The following HELB variants were observed in gnomAD, a reference collection of about 807,000 sequenced individuals.
The protein encoded by HELB is DNA helicase B.
HELB carries 96 observed loss-of-function variants against 101.7 expected under a neutral mutation model. The observed-to-expected ratio is 0.94, with a 90% CI of 0.80 to 1.12. The LOEUF (loss-of-function observed/expected upper bound fraction) is 1.12. Ranked by LOEUF, HELB falls within the 50% of genes most tolerant of loss-of-function variation. The pLI is 0.00. For synonymous variants in HELB, 437 were observed against 459.7 expected (o/e 0.95, Z 0.63); for missense variants, 1,210 against 1,291.9 (o/e 0.94, Z 0.97).
chr12:66,319,472 T>C (rs1307236258), intron 7 of HELB, among the ~76,000 whole-genome samples: 1 of 152,222 alleles, frequency 6.6e-6, no homozygotes, highest in Non-Finnish European at 1.5e-5. Context: ...TGAGACACTC[T>C]ATAAATGTCA....
At chr12:66,321,605 G>A (rs2053671379) in intron 7 of HELB, 2 of 229,840 alleles carry the variant, frequency 8.7e-6, no homozygotes, top group South Asian at 1.1e-4. Flanking sequence ...TTTTACATTA[G>A]TCATGCTGTT....
At chr12:66,305,235 A>G (rs1454877819) in intron 2 of HELB, 85 bp downstream of exon 2, 8 of 849,018 alleles carry the variant, frequency 9.4e-6, no homozygotes, top group South Asian at 7.2e-5. Context: ...CTAGCATAGT[A>G]TTCTTTTTAA....
At chr12:66,314,763 G>T (rs1167168319) in intron 5 of HELB, among the ~76,000 whole-genome samples, 1 of 151,972 alleles carries the variant, frequency 6.6e-6, no homozygotes, top group Non-Finnish European at 1.5e-5. Context: ...GCTTCCCCCA[G>T]TACATGTTTT....
rs191059859 is a variant in HELB at position 66,319,148 on chromosome 12, A to G, written c.2155+356A>G. ...TCCTTGCTATTTGAAAAGCAGATAC[A>G]TTTATTTTGAATACAAATACTCAAT... On this transcript the variant is annotated intron_variant, in intron 7 of 12. Transcript: ENST00000247815. Among the ~76,000 whole-genome samples, 3 of 152,332 alleles carry G rather than the reference A, an allele frequency of 2.0e-5. No homozygotes were observed. The East Asian group carries it at 5.8e-4, about 29-fold the overall frequency.
chr12:66,340,947 TCAA>T (rs766665173), downstream of HELB: 1 of 152,874 alleles, frequency 6.5e-6, no homozygotes, highest in Non-Finnish European at 1.5e-5. Flanking sequence ...ACACCCAGGA[TCAA>T]CACTTTGCAT....
chr12:66,336,816 G>C (rs977524234), intron 12 of HELB, among the ~76,000 whole-genome samples: 2 of 152,126 alleles, frequency 1.3e-5, no homozygotes, highest in Admixed American at 1.3e-4. Context: ...AGAGGTCGTA[G>C]ATTCTTCTGA....
At chr12:66,306,294 A>G in intron 2 of HELB, 51 bp from the exon 3 acceptor site, 2 of 1,354,482 alleles carry the variant, frequency 1.5e-6, no homozygotes. Context: ...CAAATCAGTC[A>G]TTCTTTGGGT....
In HELB at chr12:66,321,977, C is replaced by T; in HGVS notation, c.2185C>T (p.Gln729Ter). 8.4e-7 allele frequency: 1 copy of T among 1,188,758 alleles called. No homozygotes were observed. The highest frequency in any genetic ancestry group is 2.0e-5 in the Admixed American group (1 of 49,364). The allele number at this position is 1,188,758 out of a possible 1,614,324, so 73.6% of individuals were successfully genotyped here. A position where few individuals can be genotyped will look rare whatever the true frequency, so the allele number is the denominator to read the frequency against. Reference protein sequence around the residue: ...CLYSAVKTLLQENNLQNAKTS... With the variant: ...CLYSAVKTLL ...ATATTCTGCAGTTAAAACTTTACTA[C>T]AAGAAAATAACTTACAAAATGCAAA... is the stretch of plus-strand genomic sequence containing the variant. The change falls in exon 8 of 13, where the codon CAA becomes TAA. Residue 729 changes from glutamine to a stop codon, truncating the protein, a stop_gained. Coordinates refer to ENST00000247815, the MANE Select transcript of HELB (RefSeq NM_001370285.1). LOFTEE classifies it high-confidence loss of function.
At chr12:66,339,408 T>C (rs571140453), downstream of HELB, 2 of 152,208 alleles carry the variant, frequency 1.3e-5, no homozygotes, top group Non-Finnish European at 2.9e-5. Context: ...CCCAAAGTGT[T>C]AGGATTACAA....
intron 12 of HELB, 39 bp downstream of exon 12, chr12:66,331,684 A>C: frequency 6.4e-7 from 1 of 1,551,034 alleles, no homozygotes; most frequent in Non-Finnish European, 8.7e-7. Context: ...TTTTATTTAA[A>C]TATCGCTAAC....
chr12:66,309,894 G>A lies in HELB; in HGVS notation c.966G>A (p.Leu322=), dbSNP rs1354436753. 4 of 1,614,030 alleles carry A rather than the reference G, an allele frequency of 2.5e-6. No homozygotes were observed. The Middle Eastern group carries it at 4.9e-4, about 199-fold the overall frequency. Residue 322 remains leucine (L), a synonymous_variant, in exon 4 of 13, where the codon TTG becomes TTA. Coordinates refer to ENST00000247815, the MANE Select transcript of HELB (RefSeq NM_001370285.1). The part of the protein sequence containing the change: ...YVEVNDLTLT[L]SNHMSFHAAS... ...AAGTGAATGACTTAACTTTGACATTGTCAAATCATATGTCATTTCATGCTG... is the reference window on the plus strand; with the variant it reads ...AAGTGAATGACTTAACTTTGACATTATCAAATCATATGTCATTTCATGCTG...
intron 7 of HELB, chr12:66,321,688 T>C: frequency 8.2e-6 from 3 of 366,620 alleles, no homozygotes; most frequent in South Asian, 5.3e-5. Flanking sequence ...AGTGAGTCTA[T>C]TACAAATGGG....
intron 6 of HELB, among the ~76,000 whole-genome samples, chr12:66,315,866 G>A (rs967109202): frequency 2.0e-5 from 3 of 152,044 alleles, no homozygotes; most frequent in East Asian, 1.9e-4. Flanking sequence ...TCTTCCCTTC[G>A]TCTTTGCATA....
chr12:66,316,580 A>AATC (rs914365803), intron 6 of HELB, among the ~76,000 whole-genome samples: 3 of 144,772 alleles, frequency 2.1e-5, no homozygotes, highest in Non-Finnish European at 4.7e-5. Flanking sequence ...TAATAATAAT[A>AATC]ATAATAATAA....
Position 66,331,452 on chromosome 12 carries a change from C to T in HELB, c.2969C>T (p.Thr990Ile), listed in dbSNP as rs777112164. ...TPSASPLPVV[T>I]DHAMTNDVTW... ...TCAGCATCTCCACTCCCTGTAGTCA[C>T]AGACCACGCCATGACAAATGATGTC... The change falls in exon 12 of 13, where the codon ACA (threonine) becomes ATA (isoleucine). Residue 990 changes from threonine (T) to isoleucine (I), a missense_variant. Thr to Ile is a moderately conservative substitution (Grantham distance 89). Around this residue, in one of 2 missense-constraint regions of HELB, gnomAD observed 740 missense variants for 728.8 expected, o/e 1.02. Transcript: ENST00000247815. The T allele has an allele frequency of 6.2e-7, 1 of 1,614,206 alleles. No homozygotes were observed. The highest frequency in any genetic ancestry group is 1.1e-5 in the South Asian group (1 of 91,088).
rs755166356 is a variant in HELB, at chr12:66,314,053, C to T, written c.1748C>T (p.Ser583Leu). Reference protein sequence around the residue: ...MTTNKPWKFSSVRVLVVDEGS... With the variant: ...MTTNKPWKFSLVRVLVVDEGS... ...ACAAACAAACCATGGAAATTTTCTT[C>T]GGTTAGAGTTCTGGTTGTGGATGAA... The change falls in exon 5 of 13, where the codon TCG becomes TTG. Residue 583 changes from serine (S) to leucine (L), a missense_variant. Around this residue, in one of 2 missense-constraint regions of HELB, gnomAD observed 740 missense variants for 728.8 expected, o/e 1.02. Coordinates refer to ENST00000247815, the MANE Select transcript of HELB (RefSeq NM_001370285.1). 3.1e-5 allele frequency: 50 copies of T among 1,613,684 alleles called. No homozygotes were observed. The highest frequency in any genetic ancestry group is 2.0e-4 in the Admixed American group (12 of 59,986).
chr12:66,332,387 A>C (rs998789120), intron 12 of HELB, among the ~76,000 whole-genome samples: 1 of 152,190 alleles, frequency 6.6e-6, no homozygotes, highest in African/African-American at 2.4e-5. Flanking sequence ...CCCATGGTCA[A>C]CCGTGGTCCA....
chr12:66,333,322 G>A (rs1179283309), intron 12 of HELB, among the ~76,000 whole-genome samples: 4 of 152,154 alleles, frequency 2.6e-5, no homozygotes, highest in Admixed American at 2.6e-4. Flanking sequence ...ATGTTACCAA[G>A]GAGCAGCATG....
chr12:66,313,491 T>C (rs918401595), intron 4 of HELB, among the ~76,000 whole-genome samples: 1 of 152,214 alleles, frequency 6.6e-6, no homozygotes, highest in African/African-American at 2.4e-5. Context: ...TAATAAATAG[T>C]ATTACATTTG....
Sources: allele counts gnomAD v4.1 joint callset (sites outside exome capture counted in the v4.1 genomes callset), GRCh38; gene constraint gnomAD v4.1.1; regional missense constraint gnomAD v4.1.1; transcripts MANE v1.5; gene names NCBI Gene and HGNC (gene_info 2026-07-23, HGNC 2026-07-21).